The following LRMDA variants were observed in gnomAD, a reference collection of about 807,000 sequenced individuals.
LRMDA encodes leucine rich melanocyte differentiation associated, also known as leucine-rich melanocyte differentiation-associated protein.
A neutral mutation model predicts 29.8 loss-of-function variants in LRMDA; 18 were observed. That is an observed-to-expected ratio of 0.60 (90% CI 0.42 to 0.90). The LOEUF is 0.90. Among genes scored for constraint, LRMDA ranks in the 40% least tolerant of loss-of-function variants. The pLI is 0.00. For synonymous variants in LRMDA, 125 were observed against 109.4 expected, an observed-to-expected ratio of 1.14 and a Z score of -0.89; for missense variants, 273 against 273.9, an observed-to-expected ratio of 1.00 and a Z score of 0.02.
At chr10:75,663,519 C>T (rs956770455) in intron 2 of LRMDA, among the ~76,000 whole-genome samples, 2 of 152,264 alleles carry the variant, frequency 1.3e-5, no homozygotes, top group South Asian at 4.1e-4. Context: ...TTTCATTCTC[C>T]AGCTTCTGCA....
At chr10:75,704,444 T>C (rs1182438121) in intron 2 of LRMDA, among the ~76,000 whole-genome samples, 1 of 152,206 alleles carries the variant, frequency 6.6e-6, no homozygotes, top group Non-Finnish European at 1.5e-5. Flanking sequence ...CCTCAAATGA[T>C]GAGTTTTAAA....
At chr10:75,736,927 T>C (rs1486388979) in intron 2 of LRMDA, among the ~76,000 whole-genome samples, 2 of 152,150 alleles carry the variant, frequency 1.3e-5, no homozygotes, top group Non-Finnish European at 2.9e-5. Context: ...AGCTATTTAG[T>C]AGGGTGGGGA....
chr10:76,410,914 C>T (rs1841954400), intron 6 of LRMDA, among the ~76,000 whole-genome samples: 1 of 152,112 alleles, frequency 6.6e-6, no homozygotes, highest in African/African-American at 2.4e-5. Flanking sequence ...CCATTGCACT[C>T]CAGCCTGGGC....
At chr10:76,283,752 T>A (rs1840235860) in intron 5 of LRMDA, among the ~76,000 whole-genome samples, 1 of 152,168 alleles carries the variant, frequency 6.6e-6, no homozygotes, top group African/African-American at 2.4e-5. Flanking sequence ...ATCCAGGTGT[T>A]TGGTTGAGCT....
At chr10:76,440,523 C>T (rs2132291127) in intron 6 of LRMDA, among the ~76,000 whole-genome samples, 1 of 136,456 alleles carries the variant, frequency 7.3e-6, no homozygotes, top group South Asian at 2.6e-4. Flanking sequence ...TGATCTTGTA[C>T]AAGGCAATTA....
intron 2 of LRMDA, among the ~76,000 whole-genome samples, chr10:75,940,190 A>G (rs970112365): frequency 1.3e-5 from 2 of 152,192 alleles, no homozygotes; most frequent in Non-Finnish European, 2.9e-5. Flanking sequence ...GTGATGGAAT[A>G]TAAACAAAAT....
chr10:76,392,238 A>G (rs1841731111), intron 6 of LRMDA, among the ~76,000 whole-genome samples: 2 of 152,152 alleles, frequency 1.3e-5, no homozygotes, highest in African/African-American at 2.4e-5. Flanking sequence ...AGTGGAACAG[A>G]AAAGACAGAG....
rs1003903756 is a variant in LRMDA, at chr10:75,431,682, G to C, written c.-43G>C. ...CCGCGCTCCCCGCTGCTGCCGCCGC[G>C]CCCCCGCGCTCCGTCCCGCGCGCCC... On this transcript the variant is annotated 5_prime_UTR_variant, in exon 1 of 7. Coordinates refer to ENST00000611255, the MANE Select transcript of LRMDA (RefSeq NM_001305581.2). 25 of 1,266,222 alleles carry C rather than the reference G, an allele frequency of 2.0e-5. No individual in the cohort carries two copies. The highest frequency in any genetic ancestry group is 2.2e-5 in the Non-Finnish European group (22 of 1,012,728). The allele number at this position is 1,266,222 out of a possible 1,614,324, so 78.4% of individuals were successfully genotyped here.
At chr10:76,128,122 T>G (rs1194721609) in intron 5 of LRMDA, among the ~76,000 whole-genome samples, 1 of 152,226 alleles carries the variant, frequency 6.6e-6, no homozygotes, top group African/African-American at 2.4e-5. Flanking sequence ...ATAACTTGCC[T>G]GGATTCCATT....
intron 5 of LRMDA, among the ~76,000 whole-genome samples, chr10:76,098,280 A>C (rs1452199225): frequency 3.9e-5 from 6 of 152,184 alleles, no homozygotes; most frequent in African/African-American, 1.4e-4. Context: ...TATCTAATGA[A>C]TATAGATACA....
At chr10:76,040,350 T>C (rs573116389) in intron 3 of LRMDA, among the ~76,000 whole-genome samples, 1 of 152,308 alleles carries the variant, frequency 6.6e-6, no homozygotes, top group Non-Finnish European at 1.5e-5. Context: ...GCCATCTGCA[T>C]ACCTCCTGCT....
intron 2 of LRMDA, among the ~76,000 whole-genome samples, chr10:75,917,322 T>A (rs549139797): frequency 1.3e-5 from 2 of 152,250 alleles, no homozygotes; most frequent in East Asian, 3.9e-4. Flanking sequence ...AGTTCTCCCA[T>A]CTAGCCCCAG....
intron 2 of LRMDA, among the ~76,000 whole-genome samples, chr10:75,995,499 A>T (rs1564625729): frequency 6.6e-6 from 1 of 152,214 alleles, no homozygotes. Context: ...CTGGGTTATA[A>T]ATCTGGCTTT....
intron 2 of LRMDA, among the ~76,000 whole-genome samples, chr10:75,625,684 T>C (rs1841241278): frequency 6.6e-6 from 1 of 152,186 alleles, no homozygotes; most frequent in Admixed American, 6.5e-5. Flanking sequence ...AAATATCTGC[T>C]CATTCTCCTT....
At chr10:76,490,674 A>G (rs1458090189) in intron 6 of LRMDA, among the ~76,000 whole-genome samples, 1 of 151,910 alleles carries the variant, frequency 6.6e-6, no homozygotes, top group Non-Finnish European at 1.5e-5. Context: ...GTATGTCTTT[A>G]TAGGTGAAGT....
At chr10:75,452,095 G>T (rs572126103) in intron 2 of LRMDA, among the ~76,000 whole-genome samples, 1 of 152,276 alleles carries the variant, frequency 6.6e-6, no homozygotes, top group Admixed American at 6.5e-5. Flanking sequence ...ACCCAAGGAA[G>T]GGACGGAGGA....
chr10:76,557,777 C>T lies in LRMDA; in HGVS notation c.*489C>T, dbSNP rs1312281844. The T allele has an allele frequency of 6.3e-6, 1 of 158,052 alleles. No homozygotes were observed. Among genetic ancestry groups the T allele is most frequent in the African/African-American group, 2.4e-5 (1 of 41,540 alleles). 9.8% of individuals were successfully genotyped at this position (158,052 alleles called of 1,614,324 possible). On this transcript the variant is annotated 3_prime_UTR_variant, in exon 7 of 7. Coordinates refer to ENST00000611255, the MANE Select transcript of LRMDA (RefSeq NM_001305581.2). ...TCACAGTTTAGGGGATGGCCATTCT[C>T]CCTCACTCCTTTTAAATCTTAACGT...
intron 2 of LRMDA, among the ~76,000 whole-genome samples, chr10:75,769,360 T>C (rs956865780): frequency 5.3e-5 from 8 of 152,200 alleles, no homozygotes; most frequent in African/African-American, 1.4e-4. Flanking sequence ...ACAAAAAGAC[T>C]ATGTGGCCGA....
intron 2 of LRMDA, among the ~76,000 whole-genome samples, chr10:75,752,870 G>T (rs2132221141): frequency 6.6e-6 from 1 of 152,258 alleles, no homozygotes; most frequent in East Asian, 1.9e-4. Context: ...GCAATTCTGA[G>T]ACCAATTCGA....
Sources: gnomAD v4.1 joint callset for allele counts (sites outside exome capture counted in the v4.1 genomes callset) on GRCh38, gnomAD v4.1.1 for gene constraint, MANE v1.5 for transcripts, NCBI Gene and HGNC (gene_info 2026-07-23, HGNC 2026-07-21) for gene names.